Variants in PHACTR1 observed in about 807,000 individuals in gnomAD.
PHACTR1 encodes the protein phosphatase and actin regulator 1.
PHACTR1 carries 16 observed loss-of-function variants against 69.2 expected under a neutral mutation model. The ratio of observed to expected loss-of-function variants is 0.23; its 90% CI spans 0.16 to 0.35. The LOEUF is 0.35. Among genes scored for constraint, PHACTR1 ranks in the 10% least tolerant of loss-of-function variants. The pLI, the probability that PHACTR1 is intolerant of heterozygous loss-of-function variation, is 1.00. For missense variants in PHACTR1, 510 were observed against 734.7 expected (o/e 0.69, Z 3.54); for synonymous variants, 312 against 284.5 (o/e 1.10, Z -0.97).
At chr6:12,809,053 T>C (rs374988384) in intron 4 of PHACTR1, among the ~76,000 whole-genome samples, 1 of 151,916 alleles carries the variant, frequency 6.6e-6, no homozygotes, top group African/African-American at 2.4e-5. Flanking sequence ...AAGTTTTTTT[T>C]GGTGTGTATT....
intron 4 of PHACTR1, among the ~76,000 whole-genome samples, chr6:12,847,722 T>C (rs986702527): frequency 1.3e-5 from 2 of 152,140 alleles, no homozygotes; most frequent in Non-Finnish European, 2.9e-5. Flanking sequence ...TTAAGATTCA[T>C]GGTAATAAAC....
intron 4 of PHACTR1, among the ~76,000 whole-genome samples, chr6:12,880,124 C>T (rs907265340): frequency 6.6e-5 from 10 of 152,088 alleles, no homozygotes; most frequent in Admixed American, 5.9e-4. Context: ...ATCACCAAGT[C>T]TATTTCATAA....
intron 4 of PHACTR1, among the ~76,000 whole-genome samples, chr6:12,829,484 T>C (rs1232533747): frequency 1.3e-5 from 2 of 152,066 alleles, no homozygotes; most frequent in African/African-American, 2.4e-5. Context: ...AGTAGGTGAG[T>C]GATCTGATTA....
chr6:13,010,498 T>C (rs1799327318), intron 4 of PHACTR1, among the ~76,000 whole-genome samples: 1 of 152,326 alleles, frequency 6.6e-6, no homozygotes, highest in African/African-American at 2.4e-5. Context: ...TGAAAATATG[T>C]GTTCCTCTGG....
At chr6:13,138,983 G>T (rs917264094) in intron 5 of PHACTR1, among the ~76,000 whole-genome samples, 6 of 152,222 alleles carry the variant, frequency 3.9e-5, no homozygotes, top group Admixed American at 3.9e-4. Flanking sequence ...TCCATCTTGA[G>T]CTTCTTTAGA....
intron 4 of PHACTR1, among the ~76,000 whole-genome samples, chr6:12,902,070 C>T (rs997425223): frequency 2.0e-5 from 3 of 152,116 alleles, no homozygotes; most frequent in African/African-American, 7.2e-5. Flanking sequence ...ATGCACAGGA[C>T]ATCCCCTTGC....
intron 4 of PHACTR1, among the ~76,000 whole-genome samples, chr6:12,849,295 G>T (rs574629767): frequency 3.6e-4 from 55 of 152,228 alleles, no homozygotes; most frequent in Non-Finnish European, 6.2e-4. Context: ...AGGCTTCAGT[G>T]TGGTGAGGTC....
intron 4 of PHACTR1, among the ~76,000 whole-genome samples, chr6:12,985,282 T>A (rs1254504445): frequency 6.6e-6 from 1 of 151,866 alleles, no homozygotes; most frequent in Non-Finnish European, 1.5e-5. Context: ...AAATTAAGCC[T>A]AAGGTCTTAC....
At chr6:12,931,582 T>G (rs776613855) in intron 4 of PHACTR1, among the ~76,000 whole-genome samples, 18 of 152,070 alleles carry the variant, frequency 1.2e-4, no homozygotes, top group Non-Finnish European at 2.4e-4. Flanking sequence ...ATACATTTTT[T>G]AAGTCTGGAT....
intron 8 of PHACTR1, among the ~76,000 whole-genome samples, chr6:13,215,900 G>A (rs1003235842): frequency 6.6e-5 from 10 of 152,184 alleles, no homozygotes; most frequent in Admixed American, 5.2e-4. Flanking sequence ...TTCCAGAGTC[G>A]TCTTGAACTC....
chr6:13,030,736 A>G (rs1488236657), intron 4 of PHACTR1, among the ~76,000 whole-genome samples: 1 of 152,268 alleles, frequency 6.6e-6, no homozygotes. Context: ...ACACCTTGAG[A>G]ATACTCATTA....
At chr6:12,765,520 C>T (rs1232327143) in intron 4 of PHACTR1, among the ~76,000 whole-genome samples, 1 of 152,126 alleles carries the variant, frequency 6.6e-6, no homozygotes, top group Non-Finnish European at 1.5e-5. Flanking sequence ...TATTGGATTT[C>T]TTTTTCATTA....
At chr6:13,269,842 G>GA (rs1255527519) in intron 10 of PHACTR1, among the ~76,000 whole-genome samples, 1 of 151,968 alleles carries the variant, frequency 6.6e-6, no homozygotes, top group African/African-American at 2.4e-5. Flanking sequence ...CTCAAAAAAA[G>GA]AAAAAAACAA....
At chr6:12,989,991 C>T (rs971916711) in intron 4 of PHACTR1, among the ~76,000 whole-genome samples, 5 of 152,246 alleles carry the variant, frequency 3.3e-5, no homozygotes, top group African/African-American at 9.6e-5. Flanking sequence ...GGTAAGAGAG[C>T]GGGTCTCACT....
At chr6:13,002,365 C>G (rs1437168746) in intron 4 of PHACTR1, among the ~76,000 whole-genome samples, 1 of 152,114 alleles carries the variant, frequency 6.6e-6, no homozygotes, top group Non-Finnish European at 1.5e-5. Flanking sequence ...TGTCTCAGCT[C>G]TATTTTTTTT....
intron 4 of PHACTR1, among the ~76,000 whole-genome samples, chr6:13,017,099 T>C (rs1800285750): frequency 1.3e-5 from 2 of 150,582 alleles, no homozygotes; most frequent in Admixed American, 6.7e-5. Context: ...GGCAGGAGAA[T>C]TGCTTGAACC....
intron 5 of PHACTR1, among the ~76,000 whole-genome samples, chr6:13,130,540 C>T (rs1337383758): frequency 6.6e-6 from 1 of 152,038 alleles, no homozygotes; most frequent in African/African-American, 2.4e-5. Flanking sequence ...CCTTTACACA[C>T]ACAAACTAGA....
intron 5 of PHACTR1, among the ~76,000 whole-genome samples, chr6:13,110,967 T>G (rs565378942): frequency 6.6e-6 from 1 of 152,106 alleles, no homozygotes; most frequent in Non-Finnish European, 1.5e-5. Flanking sequence ...ATATTTGAAG[T>G]CTTTTCTATA....
chr6:12,922,673 A>G (rs1453104919), intron 4 of PHACTR1, among the ~76,000 whole-genome samples: 2 of 152,194 alleles, frequency 1.3e-5, no homozygotes, highest in Non-Finnish European at 2.9e-5. Context: ...ATTCATTTTC[A>G]ATAGTGTGCA....
Sources: gnomAD v4.1 joint callset for allele counts (sites outside exome capture counted in the v4.1 genomes callset) on GRCh38, gnomAD v4.1.1 for gene constraint, MANE v1.5 for transcripts, NCBI Gene and HGNC (gene_info 2026-07-23, HGNC 2026-07-21) for gene names.